Variants in BRAF observed in about 807,000 individuals in gnomAD.
BRAF encodes serine/threonine-protein kinase B-raf.
A neutral mutation model predicts 104.6 loss-of-function variants in BRAF; 16 were observed. That is an observed-to-expected ratio of 0.15 (90% CI 0.10 to 0.23). The LOEUF is 0.23. BRAF is among the 10% of genes least tolerant of loss of function. The probability of loss-of-function intolerance (pLI) is 1.00; values close to 1 mark genes in which losing one functional copy is unlikely to be tolerated. For missense variants in BRAF, 541 were observed against 937.3 expected (o/e 0.58, Z 5.52); for synonymous variants, 310 against 341.6 (o/e 0.91, Z 1.02).
At chr7:140,867,999 C>T (rs746208986) in intron 1 of BRAF, among the ~76,000 whole-genome samples, 1 of 152,208 alleles carries the variant, frequency 6.6e-6, no homozygotes, top group Non-Finnish European at 1.5e-5. Context: ...TGCTCACTCT[C>T]TCACCTGTGC....
intron 14 of BRAF, among the ~76,000 whole-genome samples, chr7:140,760,060 C>T (rs565187938): frequency 5.6e-4 from 85 of 152,278 alleles, no homozygotes; most frequent in Middle Eastern, 3.4e-3. Flanking sequence ...AAACTGTGGA[C>T]TGAGAATTTT....
intron 1 of BRAF, among the ~76,000 whole-genome samples, chr7:140,874,795 T>G (rs897123549): frequency 3.6e-4 from 55 of 152,208 alleles, no homozygotes; most frequent in Non-Finnish European, 5.3e-4. Flanking sequence ...TCCCCAATGT[T>G]GGAGGTGGGG....
chr7:140,732,230 C>CAA (rs57743835), intron 19 of BRAF: 7 of 82,756 alleles, frequency 8.5e-5, no homozygotes, highest in East Asian at 4.2e-4. Flanking sequence ...ACTTTAATTT[C>CAA]AAAAAAAAAA....
At chr7:140,921,155 A>G (rs1320980032) in intron 1 of BRAF, among the ~76,000 whole-genome samples, 1 of 152,260 alleles carries the variant, frequency 6.6e-6, no homozygotes, top group East Asian at 1.9e-4. Context: ...GAAACAGCAC[A>G]GGAAGAACAG....
chr7:140,920,815 C>G (rs1818134571), intron 1 of BRAF, among the ~76,000 whole-genome samples: 1 of 152,066 alleles, frequency 6.6e-6, no homozygotes, highest in African/African-American at 2.4e-5. Flanking sequence ...CTAGAAATAC[C>G]AAAGACAAAC....
intron 12 of BRAF, chr7:140,780,840 A>C (rs936503502): frequency 6.6e-6 from 1 of 152,236 alleles, no homozygotes; most frequent in Admixed American, 6.5e-5. Context: ...TCCAACTAAG[A>C]GGCAAATAAT....
At chr7:140,818,441 T>G (rs1805120651) in intron 3 of BRAF, among the ~76,000 whole-genome samples, 1 of 151,636 alleles carries the variant, frequency 6.6e-6, no homozygotes, top group African/African-American at 2.4e-5. Context: ...GCCTCCCGAG[T>G]AGCTGGGATT....
At chr7:140,758,696 C>T (rs1798406571) in intron 14 of BRAF, among the ~76,000 whole-genome samples, 1 of 152,198 alleles carries the variant, frequency 6.6e-6, no homozygotes, top group Non-Finnish European at 1.5e-5. Context: ...CTCAAGCCAT[C>T]CTCCCACCTC....
At chr7:140,822,997 T>C (rs533870005) in intron 3 of BRAF, among the ~76,000 whole-genome samples, 2 of 151,960 alleles carry the variant, frequency 1.3e-5, no homozygotes, top group Middle Eastern at 3.2e-3. Context: ...TAATTAAAAA[T>C]TTTTTTTGTA....
intron 15 of BRAF, 26 bp from the exon 15 acceptor site, chr7:140,753,419 C>G (rs1366083469): frequency 7.1e-7 from 1 of 1,412,728 alleles, no homozygotes; most frequent in South Asian, 1.2e-5. Flanking sequence ...TAAAGGAAAA[C>G]AGTAGATCTC....
chr7:140,769,926 C>T (rs1219025473), intron 14 of BRAF, among the ~76,000 whole-genome samples: 7 of 152,212 alleles, frequency 4.6e-5, no homozygotes, highest in East Asian at 1.9e-4. Context: ...TCTGTATACA[C>T]GACTTGGAAC....
At chr7:140,907,561 A>AT (rs1185732562) in intron 1 of BRAF, among the ~76,000 whole-genome samples, 1 of 146,706 alleles carries the variant, frequency 6.8e-6, no homozygotes, top group Non-Finnish European at 1.5e-5. Flanking sequence ...GTGCCCAGCC[A>AT]TTTTTTTTCC....
At chr7:140,826,835 C>A (rs930578528) in intron 3 of BRAF, among the ~76,000 whole-genome samples, 1 of 152,194 alleles carries the variant, frequency 6.6e-6, no homozygotes, top group African/African-American at 2.4e-5. Context: ...AATTCCATAA[C>A]AATATGTAGT....
At chr7:140,773,641 T>G (rs1038097914) in intron 14 of BRAF, among the ~76,000 whole-genome samples, 3 of 152,198 alleles carry the variant, frequency 2.0e-5, no homozygotes, top group Non-Finnish European at 2.9e-5. Flanking sequence ...GATGGAGCAG[T>G]TACCTGGTGA....
chr7:140,897,644 A>G lies in BRAF; in HGVS notation c.138+26922T>C, dbSNP rs1044311855. On this transcript the variant is annotated intron_variant, in intron 1 of 19. Transcript: ENST00000644969. ...CGAGTATCTGGGACTACAGGCACACACCACCACGTCCAGCTAATTTTTGTA... is the reference window on the plus strand; with the variant it reads ...CGAGTATCTGGGACTACAGGCACACGCCACCACGTCCAGCTAATTTTTGTA... Among the ~76,000 whole-genome samples, 10 of 151,156 alleles carry G rather than the reference A, an allele frequency of 6.6e-5. No homozygotes were observed. The East Asian group carries it at 2.0e-3, about 30-fold the overall frequency.
At chr7:140,767,279 C>T (rs147153015) in intron 14 of BRAF, among the ~76,000 whole-genome samples, 3 of 152,238 alleles carry the variant, frequency 2.0e-5, no homozygotes, top group African/African-American at 7.2e-5. Context: ...GTTGGGATTA[C>T]AGGCATGAAC....
At chr7:140,830,194 T>G (rs938825315) in intron 3 of BRAF, among the ~76,000 whole-genome samples, 7 of 152,204 alleles carry the variant, frequency 4.6e-5, no homozygotes, top group Non-Finnish European at 1.0e-4. Context: ...TTACATCTTC[T>G]AGTTGCTTTC....
chr7:140,852,211 A>T (rs1443965906), intron 1 of BRAF, among the ~76,000 whole-genome samples: 1 of 152,034 alleles, frequency 6.6e-6, no homozygotes, highest in African/African-American at 2.4e-5. Context: ...TCCATAAAAA[A>T]TACAAAAATT....
intron 17 of BRAF, among the ~76,000 whole-genome samples, chr7:140,746,787 G>A (rs1200957030): frequency 6.6e-6 from 1 of 150,736 alleles, no homozygotes; most frequent in African/African-American, 2.4e-5. Context: ...CTGAGATCAG[G>A]CCACTGCATT....
Sources: allele counts gnomAD v4.1 joint callset (sites outside exome capture counted in the v4.1 genomes callset), GRCh38; gene constraint gnomAD v4.1.1; transcripts MANE v1.5; gene names NCBI Gene and HGNC (gene_info 2026-07-23, HGNC 2026-07-21).